ZYG11A: variants seen among roughly 807,000 people sequenced by gnomAD.
The protein encoded by ZYG11A is protein zyg-11 homolog A.
Under a neutral mutation model 77.2 loss-of-function variants are expected in ZYG11A, and 62 were observed. That is an observed-to-expected ratio of 0.80 (90% CI 0.65 to 0.99). The LOEUF is 0.99. ZYG11A is among the 50% of genes least tolerant of loss of function. ZYG11A has a pLI of 0.00. For missense variants in ZYG11A, 828 were observed against 896.8 expected (o/e 0.92, Z 0.98); for synonymous variants, 315 against 324.6 (o/e 0.97, Z 0.32).
rs1029650090 is a variant in ZYG11A, at chr1:52,879,855, C to T, written c.1750-1616C>T. 1.1e-4 allele frequency among the ~76,000 whole-genome samples: 16 copies of T among 150,364 alleles called. No individual in the cohort carries two copies. In the Middle Eastern group the frequency reaches 0.014, roughly 129 times the overall value. On this transcript the variant is annotated intron_variant, in intron 10 of 13. Transcript: ENST00000371528. ...TCGGCTCACTGCAACCTCTGCCTCC[C>T]GGGTTCAAGTGATTCTCCCACTTCA...
Position 52,894,384 on chromosome 1 carries a change from G to A in ZYG11A, c.*1427G>A, listed in dbSNP as rs1646592266. 1.3e-5 allele frequency: 2 copies of A among 152,152 alleles called. No homozygotes were observed. The highest frequency in any genetic ancestry group is 4.1e-4 in the South Asian group (2 of 4,826). The allele number at this position is 152,152 out of a possible 1,614,324, so 9.4% of individuals were successfully genotyped here. The stretch of plus-strand genomic sequence containing the variant: ...CCCGCATGCTGACTAAAGAAAACAT[G>A]GGCTTTTCTGAAACCAGCTTCAACT... On this transcript the variant is annotated 3_prime_UTR_variant, in exon 14 of 14. Coordinates refer to ENST00000371528, the MANE Select transcript of ZYG11A (RefSeq NM_001004339.3).
intron 8 of ZYG11A, among the ~76,000 whole-genome samples, chr1:52,868,887 G>A (rs917592909): frequency 6.6e-6 from 1 of 151,584 alleles, no homozygotes; most frequent in African/African-American, 2.4e-5. Flanking sequence ...TCATGCTAGC[G>A]TGCAATGGTG....
At chr1:52,877,018 G>C (rs1313654213) in intron 8 of ZYG11A, among the ~76,000 whole-genome samples, 1 of 152,142 alleles carries the variant, frequency 6.6e-6, no homozygotes, top group Admixed American at 6.5e-5. Flanking sequence ...GAGGTCATGT[G>C]ATGGAATGCT....
At chr1:52,883,087 C>T (rs1029423268) in intron 11 of ZYG11A, among the ~76,000 whole-genome samples, 18 of 151,454 alleles carry the variant, frequency 1.2e-4, no homozygotes, top group East Asian at 1.9e-4. Flanking sequence ...TCTCTTTGAA[C>T]GTAATAATGA....
At chr1:52,844,078 T>C (rs1645513826) in intron 1 of ZYG11A, among the ~76,000 whole-genome samples, 1 of 152,194 alleles carries the variant, frequency 6.6e-6, no homozygotes, top group Admixed American at 6.5e-5. Flanking sequence ...TTGGGAGCTC[T>C]GAAATTTAGT....
At chr1:52,868,942 T>C (rs1251492398) in intron 8 of ZYG11A, among the ~76,000 whole-genome samples, 1 of 152,168 alleles carries the variant, frequency 6.6e-6, no homozygotes, top group Non-Finnish European at 1.5e-5. Context: ...TTCAAGCGGT[T>C]ATCCTGCCTC....
intron 11 of ZYG11A, among the ~76,000 whole-genome samples, chr1:52,882,179 C>T (rs1297488989): frequency 1.3e-5 from 2 of 152,230 alleles, no homozygotes; most frequent in Non-Finnish European, 2.9e-5. Flanking sequence ...AGGCATGAGC[C>T]ATCGCGCCTA....
rs761843807 is a variant in ZYG11A at position 52,842,835 on chromosome 1, T to C, written c.-49T>C. 2 of 1,508,698 alleles carry C rather than the reference T, an allele frequency of 1.3e-6. No individual in the cohort carries two copies. Among genetic ancestry groups the C allele is most frequent in the Non-Finnish European group, 1.8e-6 (2 of 1,122,442 alleles). 93.5% of individuals were successfully genotyped at this position (1,508,698 alleles called of 1,614,324 possible). On this transcript the variant is annotated 5_prime_UTR_variant, in exon 1 of 14. Transcript: ENST00000371528. ...CGCTTGGTTCTCGCGGGATCCGGGC[T>C]CCGGCTCGACGCCGGCTCTCTTTTT...
intron 1 of ZYG11A, among the ~76,000 whole-genome samples, chr1:52,844,178 A>G (rs1253930713): frequency 6.6e-6 from 1 of 151,976 alleles, no homozygotes; most frequent in Non-Finnish European, 1.5e-5. Flanking sequence ...CCCTTGGGGA[A>G]CTCGAGGGAT....
chr1:52,857,773 T>C, intron 3 of ZYG11A, 24 bp downstream of exon 3: 1 of 1,499,606 alleles, frequency 6.7e-7, no homozygotes, highest in Non-Finnish European at 8.9e-7. Flanking sequence ...TGAATAAGTT[T>C]TGTTTCATTT....
chr1:52,858,769 C>T (rs940460062), intron 3 of ZYG11A, among the ~76,000 whole-genome samples: 3 of 151,772 alleles, frequency 2.0e-5, no homozygotes, highest in African/African-American at 4.8e-5. Flanking sequence ...TGCACCACCA[C>T]ACCTGGCTAA....
intron 1 of ZYG11A, among the ~76,000 whole-genome samples, chr1:52,845,135 A>G (rs1438597037): frequency 2.6e-5 from 4 of 151,990 alleles, no homozygotes; most frequent in Non-Finnish European, 5.9e-5. Context: ...CCCTTTTATC[A>G]TTAAGAAATG....
Position 52,890,916 on chromosome 1 carries a change from T to C in ZYG11A, c.2105-1866T>C, listed in dbSNP as rs113147361. Among the ~76,000 whole-genome samples the C allele has an allele frequency of 5.2e-3, 786 of 152,044 alleles. 17 individuals are homozygous for C. The highest frequency in any genetic ancestry group is 0.019 in the African/African-American group (768 of 41,330). ...AAATCTTTTTCTTTTCTTTTCTTTT[T>C]TGAGACAGTTTCGCTCTTGTTGCCT... On this transcript the variant is annotated intron_variant, in intron 13 of 13. Transcript: ENST00000371528.
chr1:52,852,841 C>T (rs1050274450), intron 1 of ZYG11A, among the ~76,000 whole-genome samples: 2 of 152,070 alleles, frequency 1.3e-5, no homozygotes, highest in African/African-American at 2.4e-5. Flanking sequence ...AGCCTACAGT[C>T]GAGGAAAATC....
intron 8 of ZYG11A, among the ~76,000 whole-genome samples, chr1:52,877,480 A>T (rs1557451754): frequency 6.6e-6 from 1 of 151,990 alleles, no homozygotes; most frequent in Non-Finnish European, 1.5e-5. Flanking sequence ...CTAAACTTAA[A>T]TTTTTTTTCA....
At chr1:52,859,667 C>CTTTT (rs60756718) in intron 3 of ZYG11A, among the ~76,000 whole-genome samples, 1 of 42,906 alleles carries the variant, frequency 2.3e-5, no homozygotes, top group Non-Finnish European at 5.2e-5. Flanking sequence ...TGTGTATTGC[C>CTTTT]TTTTTTTTTT....
intron 1 of ZYG11A, among the ~76,000 whole-genome samples, chr1:52,853,221 C>A (rs1320815496): frequency 2.0e-5 from 3 of 152,076 alleles, no homozygotes; most frequent in Non-Finnish European, 2.9e-5. Flanking sequence ...ATGTCACTAG[C>A]CTGGGAAGAG....
At position 52,863,999 on chromosome 1, in the gene ZYG11A, A is replaced by G; in HGVS notation, c.1168A>G (p.Arg390Gly). Residue 390 changes from arginine (R) to glycine (G), a missense_variant, in exon 5 of 14, where the codon AGG becomes GGG. Physicochemically the swap from Arg to Gly is moderately radical, Grantham distance 125 (BLOSUM62 -2). Transcript: ENST00000371528. ...AILKLVAIGM[R>G]NHPLDLRVQF... ...TCTTCAGCTTGTGGCTATAGGAATG[A>G]GGAATCACCCATTGGATTTGCGAGT... 1.3e-6 allele frequency: 2 copies of G among 1,551,014 alleles called. No homozygotes were observed. The highest frequency in any genetic ancestry group is 1.7e-6 in the Non-Finnish European group (2 of 1,146,772).
intron 13 of ZYG11A, among the ~76,000 whole-genome samples, chr1:52,892,428 G>A (rs1285152773): frequency 5.3e-5 from 8 of 151,064 alleles, no homozygotes; most frequent in Admixed American, 3.3e-4. Flanking sequence ...CTTGGGAGGC[G>A]GAGGCAGGAG....
Sources: allele counts gnomAD v4.1 joint callset (sites outside exome capture counted in the v4.1 genomes callset), GRCh38; gene constraint gnomAD v4.1.1; transcripts MANE v1.5; gene names NCBI Gene and HGNC (gene_info 2026-07-23, HGNC 2026-07-21).